The following NEBL variants were observed in gnomAD, a reference collection of about 807,000 sequenced individuals.
The protein encoded by NEBL is nebulette.
In NEBL, 122 loss-of-function variants were observed where a neutral mutation model predicts 140.2. The observed-to-expected ratio is 0.87, with a 90% CI of 0.75 to 1.01. NEBL has a LOEUF of 1.01. Among genes scored for constraint, NEBL ranks in the 50% least tolerant of loss-of-function variants. NEBL has a pLI of 0.00. For missense variants in NEBL, 1,365 were observed against 1,231.3 expected (o/e 1.11, Z -1.62); for synonymous variants, 436 against 398.9 (o/e 1.09, Z -1.11).
intron 2 of NEBL, among the ~76,000 whole-genome samples, chr10:21,119,658 G>T (rs1838439706): frequency 6.6e-6 from 1 of 151,838 alleles, no homozygotes; most frequent in Non-Finnish European, 1.5e-5. Flanking sequence ...AGTCATAAAT[G>T]CTTCAACATG....
chr10:21,223,108 T>G (rs1237540112), intron 3 of NEBL, among the ~76,000 whole-genome samples: 2 of 152,228 alleles, frequency 1.3e-5, no homozygotes, highest in Admixed American at 1.3e-4. Flanking sequence ...TTGACTTTAG[T>G]CACTCTGTTG....
At chr10:21,076,964 A>T (rs917432263) in intron 2 of NEBL, among the ~76,000 whole-genome samples, 3 of 152,184 alleles carry the variant, frequency 2.0e-5, no homozygotes, top group Admixed American at 2.0e-4. Flanking sequence ...AAGACGAAAA[A>T]GTTCTAGAAA....
intron 3 of NEBL, among the ~76,000 whole-genome samples, chr10:21,203,521 T>C (rs943491172): frequency 6.6e-6 from 1 of 152,170 alleles, no homozygotes; most frequent in Non-Finnish European, 1.5e-5. Context: ...TCTATTTTGG[T>C]GGAACAGCAG....
chr10:20,965,296 G>A lies in NEBL; in HGVS notation c.250-3517C>T, dbSNP rs150399419. 3.0e-3 allele frequency among the ~76,000 whole-genome samples: 463 copies of A among 152,308 alleles called. 1 individual carries two copies. Among genetic ancestry groups the A allele is most frequent in the Non-Finnish European group, 5.4e-3 (366 of 68,034 alleles). ...CATAAATGGTATGTTAGTGGGAAGCGCTAAGAGAGAAAAATAGCGAGACAA... is the reference window on the plus strand; with the variant it reads ...CATAAATGGTATGTTAGTGGGAAGCACTAAGAGAGAAAAATAGCGAGACAA... On this transcript the variant is annotated intron_variant, in intron 3 of 6. Coordinates refer to the NEBL transcript ENST00000417816.
chr10:21,148,438 T>C (rs1839999572), intron 2 of NEBL, among the ~76,000 whole-genome samples: 1 of 152,208 alleles, frequency 6.6e-6, no homozygotes, highest in African/African-American at 2.4e-5. Context: ...TGGTAGAATG[T>C]TGGGATTCTT....
chr10:20,983,764 T>C (rs1406128682), intron 3 of NEBL, among the ~76,000 whole-genome samples: 3 of 152,182 alleles, frequency 2.0e-5, no homozygotes, highest in African/African-American at 7.2e-5. Flanking sequence ...TTACCCCTGG[T>C]ATGAGAGTCT....
intron 26 of NEBL, among the ~76,000 whole-genome samples, chr10:20,792,524 G>A (rs149492506): frequency 3.3e-5 from 5 of 152,144 alleles, no homozygotes; most frequent in South Asian, 4.1e-4. Flanking sequence ...AGTCCTGGCC[G>A]GGCATGGTGG....
intron 20 of NEBL, 100 bp from the exon 21 acceptor site, chr10:20,817,792 T>G: frequency 1.0e-6 from 1 of 985,744 alleles, no homozygotes; most frequent in Non-Finnish European, 1.6e-6. Flanking sequence ...TTTTACACAT[T>G]TTTTTCCACA....
rs183804061 is a variant in NEBL at position 20,784,128 on chromosome 10, A to C, written c.*1619T>G. The stretch of plus-strand genomic sequence containing the variant: ...TTTTGTTAATTTCCTTGAATATAAC[A>C]TATAAGGCAGATATCCCCAAGACCC... On this transcript the variant is annotated 3_prime_UTR_variant, in exon 28 of 28. Transcript: ENST00000377122. The C allele has an allele frequency of 4.6e-5, 7 of 152,352 alleles. No individual in the cohort carries two copies. The highest frequency in any genetic ancestry group is 1.9e-4 in the East Asian group (1 of 5,182). The allele number at this position is 152,352 out of a possible 1,614,324, so 9.4% of individuals were successfully genotyped here. A position where few individuals can be genotyped will look rare whatever the true frequency, so the allele number is the denominator to read the frequency against.
chr10:20,902,129 C>T (rs1370836183), upstream of NEBL, among the ~76,000 whole-genome samples: 1 of 152,046 alleles, frequency 6.6e-6, no homozygotes, highest in Admixed American at 6.6e-5. Flanking sequence ...GGTGGCCGGG[C>T]GCGGTGGCTC....
intron 7 of NEBL, among the ~76,000 whole-genome samples, chr10:20,863,051 A>T (rs1479609422): frequency 6.6e-6 from 1 of 152,136 alleles, no homozygotes; most frequent in East Asian, 1.9e-4. Flanking sequence ...TTTTTTAAAG[A>T]ATTATAAGAG....
At chr10:21,244,688 A>T (rs1481571051) in intron 3 of NEBL, among the ~76,000 whole-genome samples, 1 of 151,730 alleles carries the variant, frequency 6.6e-6, no homozygotes, top group Non-Finnish European at 1.5e-5. Flanking sequence ...TTTTTTAAAA[A>T]ATTAAAAATT....
intron 2 of NEBL, among the ~76,000 whole-genome samples, chr10:21,092,812 G>A (rs1317220386): frequency 6.6e-6 from 1 of 151,920 alleles, no homozygotes; most frequent in Non-Finnish European, 1.5e-5. Flanking sequence ...AGAATGAATC[G>A]AGTAAGGCAT....
upstream of NEBL, chr10:21,174,426 G>A (rs1841242376): frequency 6.6e-6 from 1 of 152,364 alleles, no homozygotes; most frequent in Non-Finnish European, 1.5e-5. Context: ...GACAAACACC[G>A]GTGGGGAGAG....
chr10:20,877,425 A>T (rs1383153157), intron 5 of NEBL, among the ~76,000 whole-genome samples: 9 of 152,344 alleles, frequency 5.9e-5, no homozygotes, highest in African/African-American at 2.2e-4. Context: ...ATTTAGGCAG[A>T]TAGTGAGGGT....
intron 2 of NEBL, among the ~76,000 whole-genome samples, chr10:21,085,511 G>A (rs566429966): frequency 4.6e-5 from 7 of 152,194 alleles, no homozygotes; most frequent in East Asian, 3.9e-4. Flanking sequence ...GGTGCACACC[G>A]ATGGTCCCAG....
intron 2 of NEBL, among the ~76,000 whole-genome samples, chr10:21,136,652 T>A (rs1839369125): frequency 6.6e-6 from 1 of 152,150 alleles, no homozygotes; most frequent in South Asian, 2.1e-4. Flanking sequence ...CCTTTTGCCT[T>A]CCTCTATGCT....
chr10:20,864,280 A>G (rs1844038132), intron 7 of NEBL, among the ~76,000 whole-genome samples: 1 of 152,202 alleles, frequency 6.6e-6, no homozygotes, highest in African/African-American at 2.4e-5. Flanking sequence ...ATACATATGC[A>G]CCAATCCCTT....
chr10:21,223,085 C>A (rs548497627), intron 3 of NEBL, among the ~76,000 whole-genome samples: 1 of 152,158 alleles, frequency 6.6e-6, no homozygotes, highest in Non-Finnish European at 1.5e-5. Context: ...TTTAAATGTA[C>A]AATAAATTAT....
Sources: allele counts gnomAD v4.1 joint callset (sites outside exome capture counted in the v4.1 genomes callset), GRCh38; gene constraint gnomAD v4.1.1; transcripts MANE v1.5; gene names NCBI Gene and HGNC (gene_info 2026-07-23, HGNC 2026-07-21).